The following EVI5 variants were observed in gnomAD, a reference collection of about 807,000 sequenced individuals.
EVI5 encodes the protein ecotropic viral integration site 5.
A neutral mutation model predicts 112.0 loss-of-function variants in EVI5; 73 were observed. The ratio of observed to expected loss-of-function variants is 0.65; its 90% CI spans 0.54 to 0.79. The LOEUF (loss-of-function observed/expected upper bound fraction) is 0.79. Among genes scored for constraint, EVI5 ranks in the 30% least tolerant of loss-of-function variants. The pLI is 0.00. For missense variants in EVI5, 900 were observed against 968.8 expected (o/e 0.93, Z 0.94); for synonymous variants, 305 against 319.9 (o/e 0.95, Z 0.50).
intron 2 of EVI5, among the ~76,000 whole-genome samples, chr1:92,713,664 C>T (rs1485448356): frequency 6.6e-6 from 1 of 152,042 alleles, no homozygotes; most frequent in African/African-American, 2.4e-5. Context: ...GTGATCCCAG[C>T]TACTTGGGAG....
Position 92,676,023 on chromosome 1 carries a change from T to TA in EVI5, c.1158+1134dup, listed in dbSNP as rs1403678436. Among the ~76,000 whole-genome samples, 550 of 131,098 alleles carry TA rather than the reference T, an allele frequency of 4.2e-3. 4 individuals are homozygous for TA. The highest frequency in any genetic ancestry group is 0.013 in the African/African-American group (458 of 35,612). 86.0% of individuals were successfully genotyped at this position (131,098 alleles called of 152,430 possible). On this transcript the variant is annotated intron_variant, in intron 10 of 19. Transcript: ENST00000684568. ...CAGAGCAGCAGTTGGGTGACAGAAT[T>TA]AAAAAAAAAAAAAGGAAGGAAAAAA...
chr1:92,763,163 A>G (rs934223439), intron 1 of EVI5, among the ~76,000 whole-genome samples: 1 of 151,876 alleles, frequency 6.6e-6, no homozygotes, highest in East Asian at 1.9e-4. Flanking sequence ...CAGCTACTTG[A>G]GAAGATGAGG....
chr1:92,630,286 A>G (rs1282794021), intron 14 of EVI5, among the ~76,000 whole-genome samples: 1 of 152,238 alleles, frequency 6.6e-6, no homozygotes, highest in African/African-American at 2.4e-5. Flanking sequence ...TCCCACCAAC[A>G]GCGTAAAAGT....
At chr1:92,683,187 T>G (rs1301981281) in intron 9 of EVI5, among the ~76,000 whole-genome samples, 1 of 151,318 alleles carries the variant, frequency 6.6e-6, no homozygotes, top group Admixed American at 6.6e-5. Context: ...TTCTGAATTC[T>G]AATTCAGAAA....
rs1242044852 is a variant in EVI5 at position 92,719,437 on chromosome 1, G to A, written c.150-14693C>T. ...AATCCATCACATAAACAGAACCAAC[G>A]ACAAAAACCACATGATTATCTCAAT... is the stretch of plus-strand genomic sequence containing the variant. On this transcript the variant is annotated intron_variant, in intron 2 of 19. Coordinates refer to ENST00000684568, the MANE Select transcript of EVI5 (RefSeq NM_001350197.2). 1.3e-5 allele frequency among the ~76,000 whole-genome samples: 2 copies of A among 151,308 alleles called. 1 individual carries two copies. The highest frequency in any genetic ancestry group is 4.9e-5 in the African/African-American group (2 of 40,692).
At position 92,711,424 on chromosome 1, in the gene EVI5, A is replaced by G. The variant is rs138063742; in HGVS notation, c.150-6680T>C. Among the ~76,000 whole-genome samples, 20 of 152,356 alleles carry G rather than the reference A, an allele frequency of 1.3e-4. 1 individual carries two copies. Among genetic ancestry groups the G allele is most frequent in the African/African-American group, 4.8e-4 (20 of 41,584 alleles). On this transcript the variant is annotated intron_variant, in intron 2 of 19. Transcript: ENST00000684568. ...TGGTCAACATGCCAGTTGGTAATTT[A>G]TAAACTGCTAAGATAATTTATAAGG...
At chr1:92,551,547 G>C (rs114048274) in intron 19 of EVI5, among the ~76,000 whole-genome samples, 1,951 of 152,266 alleles carry the variant, frequency 0.013, 48 homozygotes, top group African/African-American at 0.043. Context: ...CATATATCAA[G>C]TTGAATGACA....
chr1:92,548,915 C>A (rs1191081416), intron 19 of EVI5, among the ~76,000 whole-genome samples: 1 of 152,150 alleles, frequency 6.6e-6, no homozygotes, highest in Non-Finnish European at 1.5e-5. Context: ...GAAATGGCCA[C>A]ACTGCCCAAG....
At chr1:92,542,907 T>A (rs1665062046) in intron 19 of EVI5, among the ~76,000 whole-genome samples, 1 of 152,194 alleles carries the variant, frequency 6.6e-6, no homozygotes, top group Admixed American at 6.5e-5. Context: ...AAATATTTAT[T>A]TTACCATGCT....
intron 9 of EVI5, among the ~76,000 whole-genome samples, chr1:92,680,514 TAATA>T (rs1413140646): frequency 6.6e-6 from 1 of 152,114 alleles, no homozygotes; most frequent in Non-Finnish European, 1.5e-5. Flanking sequence ...GAATGCTGAT[TAATA>T]AATAAAGAAT....
chr1:92,544,673 A>T (rs1235711935), intron 19 of EVI5, among the ~76,000 whole-genome samples: 1 of 152,200 alleles, frequency 6.6e-6, no homozygotes, highest in East Asian at 1.9e-4. Context: ...TTTTTCAGAA[A>T]TTATAACTCC....
intron 19 of EVI5, among the ~76,000 whole-genome samples, chr1:92,544,170 G>C (rs536133674): frequency 1.4e-4 from 22 of 152,280 alleles, no homozygotes; most frequent in African/African-American, 5.1e-4. Flanking sequence ...CTAGGGTTGG[G>C]GGAATAAGGC....
intron 1 of EVI5, among the ~76,000 whole-genome samples, chr1:92,738,521 A>C (rs563290373): frequency 2.6e-4 from 39 of 152,188 alleles, no homozygotes; most frequent in Non-Finnish European, 4.4e-4. Context: ...AAAGACACCT[A>C]TTAATTGCTT....
chr1:92,687,613 A>T (rs929157214), intron 9 of EVI5, among the ~76,000 whole-genome samples: 14 of 152,296 alleles, frequency 9.2e-5, no homozygotes, highest in Non-Finnish European at 1.9e-4. Context: ...AACCTAAAGA[A>T]TGGGAGAAAA....
intron 18 of EVI5, among the ~76,000 whole-genome samples, chr1:92,579,876 A>G (rs996219769): frequency 8.5e-5 from 13 of 152,222 alleles, no homozygotes; most frequent in Admixed American, 8.5e-4. Context: ...TAAACAAAGT[A>G]GAAATGTATT....
chr1:92,699,913 G>A (rs1199891637), intron 5 of EVI5, among the ~76,000 whole-genome samples: 2 of 152,014 alleles, frequency 1.3e-5, no homozygotes, highest in East Asian at 3.9e-4. Context: ...ATCAAAACAA[G>A]TTTCATTCCC....
chr1:92,583,059 G>A (rs2101109183), intron 18 of EVI5, among the ~76,000 whole-genome samples: 1 of 151,780 alleles, frequency 6.6e-6, no homozygotes, highest in Non-Finnish European at 1.5e-5. Flanking sequence ...CATACAAATG[G>A]GAATATATAT....
chr1:92,737,128 A>G (rs1191441025), intron 1 of EVI5, among the ~76,000 whole-genome samples: 2 of 152,218 alleles, frequency 1.3e-5, no homozygotes, highest in African/African-American at 4.8e-5. Flanking sequence ...GGGTGTATTT[A>G]GCATAAATAA....
intron 1 of EVI5, among the ~76,000 whole-genome samples, chr1:92,791,919 T>C (rs974713588): frequency 1.3e-5 from 2 of 152,232 alleles, no homozygotes; most frequent in Non-Finnish European, 2.9e-5. Context: ...ATAGAGTTTG[T>C]GAACAAATGC....
Sources: allele counts gnomAD v4.1 joint callset (sites outside exome capture counted in the v4.1 genomes callset), GRCh38; gene constraint gnomAD v4.1.1; transcripts MANE v1.5; gene names NCBI Gene and HGNC (gene_info 2026-07-23, HGNC 2026-07-21).